ERCC6: variants seen among roughly 807,000 people sequenced by gnomAD.
ERCC6 encodes the protein ERCC excision repair 6, chromatin remodeling factor, also known as DNA excision repair protein ERCC-6.
ERCC6 carries 116 observed loss-of-function variants against 158.7 expected under a neutral mutation model. The observed-to-expected ratio is 0.73, with a 90% CI of 0.63 to 0.85. The LOEUF is 0.85. ERCC6 is among the 40% of genes least tolerant of loss of function. ERCC6 has a pLI of 0.00. For missense variants in ERCC6, 1,698 were observed against 1,799.4 expected (o/e 0.94, Z 1.02); for synonymous variants, 678 against 659.3 (o/e 1.03, Z -0.43).
chr10:49,493,325 C>G lies in ERCC6; in HGVS notation c.1686-73G>C, dbSNP rs544548574. The G allele has an allele frequency of 5.7e-6, 9 of 1,572,906 alleles. No homozygotes were observed. In the East Asian group the frequency reaches 2.0e-4, roughly 35 times the overall value. On this transcript the variant is annotated intron_variant, in intron 7 of 20. Transcript: ENST00000355832. Reference sequence around the variant, plus strand: ...AGTCATCAACTGCTCAAAAGATCCCCCAAAACAACAAACAAAAAACTTAGT... The same window carrying G: ...AGTCATCAACTGCTCAAAAGATCCCGCAAAACAACAAACAAAAAACTTAGT...
chr10:49,512,185 A>G (rs1836832958), intron 5 of ERCC6, among the ~76,000 whole-genome samples: 1 of 152,168 alleles, frequency 6.6e-6, no homozygotes, highest in African/African-American at 2.4e-5. Flanking sequence ...ATGCTAGCTC[A>G]CTCCATACTG....
At chr10:49,482,541 T>C (rs1850997581) in intron 10 of ERCC6, 146 bp downstream of exon 10, 1 of 437,496 alleles carries the variant, frequency 2.3e-6, no homozygotes, top group Admixed American at 4.3e-5. Flanking sequence ...ATTTTGTGAT[T>C]TTTTTTTTTT....
intron 5 of ERCC6, among the ~76,000 whole-genome samples, chr10:49,509,343 C>G (rs920834920): frequency 2.0e-5 from 3 of 152,188 alleles, no homozygotes; most frequent in African/African-American, 7.2e-5. Flanking sequence ...ACTATGTTCA[C>G]TGAAAGAAGA....
intron 10 of ERCC6, among the ~76,000 whole-genome samples, chr10:49,481,434 T>C (rs942283628): frequency 2.0e-5 from 3 of 152,220 alleles, no homozygotes; most frequent in Non-Finnish European, 4.4e-5. Context: ...ATGTAAAATA[T>C]ATTAAAATTG....
intron 10 of ERCC6, among the ~76,000 whole-genome samples, chr10:49,482,077 G>GC (rs1850990036): frequency 6.6e-6 from 1 of 152,144 alleles, no homozygotes; most frequent in African/African-American, 2.4e-5. Flanking sequence ...TTTTAGCTAT[G>GC]CCCCCACAAG....
intron 5 of ERCC6, among the ~76,000 whole-genome samples, chr10:49,523,070 C>T (rs1200632230): frequency 1.3e-5 from 2 of 152,220 alleles, no homozygotes; most frequent in African/African-American, 4.8e-5. Context: ...TCAACCTTCA[C>T]TCACAAAGGC....
chr10:49,464,132 TG>T (rs1343144937), intron 18 of ERCC6, among the ~76,000 whole-genome samples: 1 of 152,174 alleles, frequency 6.6e-6, no homozygotes, highest in African/African-American at 2.4e-5. Flanking sequence ...TTGACAAAAA[TG>T]TTGATAGTGA....
chr10:49,524,511 G>C lies in ERCC6; in HGVS notation c.919C>G (p.Pro307Ala), dbSNP rs1372271263. 1 of 1,614,134 alleles carries C rather than the reference G, an allele frequency of 6.2e-7. No individual in the cohort carries two copies. Among genetic ancestry groups the C allele is most frequent in the Non-Finnish European group, 8.5e-7 (1 of 1,179,996 alleles). The change falls in exon 5 of 21, where the codon CCA (proline) becomes GCA (alanine). Residue 307 changes from proline (P) to alanine (A), a missense_variant. Transcript: ENST00000355832. Reference sequence around the variant, plus strand: ...TTTGGTTTGTTTTTATTTTGCACTGGGGCTGGAGGCGTGACTGGGGCTGGA... The same window carrying C: ...TTTGGTTTGTTTTTATTTTGCACTGCGGCTGGAGGCGTGACTGGGGCTGGA... Reference protein sequence around the residue: ...KAPAPVTPPAPVQNKNKPNKK... With the variant: ...KAPAPVTPPAAVQNKNKPNKK...
chr10:49,445,179 C>G, the ERCC6 span, among the ~76,000 whole-genome samples: 10 of 152,114 alleles, frequency 6.6e-5, no homozygotes, highest in Admixed American at 1.3e-4. Flanking sequence ...AAGCTAGGAA[C>G]AGGAAAAGGG....
the ERCC6 span, among the ~76,000 whole-genome samples, chr10:49,435,276 T>C: frequency 1.3e-5 from 2 of 152,356 alleles, no homozygotes; most frequent in South Asian, 4.1e-4. Flanking sequence ...AAAGTTCACA[T>C]ACCTTCGTTC....
Position 49,524,719 on chromosome 10 carries a change from T to G in ERCC6, c.711A>C (p.Glu237Asp), listed in dbSNP as rs760414129. ...MLMPVQETAW[E>D]ELIRTGQMTP... ...TCATCTGGCCAGTGCGGATGAGCTC[T>G]TCCCAGGCAGTCTCCTGGACAGGCA... Residue 237 changes from glutamate (E) to aspartate (D), a missense_variant, in exon 5 of 21, where the codon GAA (glutamate) becomes GAC (aspartate). By Grantham distance (45) the Glu-to-Asp change is conservative (BLOSUM62 2). Transcript: ENST00000355832. 6.2e-7 allele frequency: 1 copy of G among 1,607,790 alleles called. No homozygotes were observed. The highest frequency in any genetic ancestry group is 8.5e-7 in the Non-Finnish European group (1 of 1,180,016).
At chr10:49,439,358 C>T in the ERCC6 span, among the ~76,000 whole-genome samples, 1 of 152,230 alleles carries the variant, frequency 6.6e-6, no homozygotes, top group Non-Finnish European at 1.5e-5. Flanking sequence ...GGGCTTGCAC[C>T]ATCTGAAGCC....
intron 12 of ERCC6, 73 bp downstream of exon 12, chr10:49,476,142 A>G (rs1850872688): frequency 3.8e-6 from 4 of 1,047,412 alleles, no homozygotes; most frequent in Non-Finnish European, 4.5e-6. Flanking sequence ...CACAATGTAG[A>G]TCCTAGTTTC....
intron 5 of ERCC6, among the ~76,000 whole-genome samples, chr10:49,508,423 G>C (rs1446023736): frequency 6.6e-6 from 1 of 151,944 alleles, no homozygotes; most frequent in Non-Finnish European, 1.5e-5. Context: ...AAATATACAG[G>C]CATCTTGTCG....
At chr10:49,484,386 G>A (rs1851040541) in intron 8 of ERCC6, among the ~76,000 whole-genome samples, 1 of 152,020 alleles carries the variant, frequency 6.6e-6, no homozygotes, top group Non-Finnish European at 1.5e-5. Context: ...GTGTCAGGCA[G>A]AGACACTAAG....
chr10:49,483,247 AG>A, intron 9 of ERCC6, 98 bp downstream of exon 9: 1 of 1,281,028 alleles, frequency 7.8e-7, no homozygotes, highest in Non-Finnish European at 1.1e-6. Flanking sequence ...AGTTGGCACA[AG>A]GAAAGATTCA....
chr10:49,457,615 A>G lies in ERCC6; in HGVS notation c.*1200T>C, dbSNP rs1259206245. On this transcript the variant is annotated 3_prime_UTR_variant, in exon 21 of 21. Transcript: ENST00000355832. Reference sequence around the variant, plus strand: ...GTAGGAGGGCAGGCATACTACAGAAAAATGAGAGAGAGGAAAAGAGCATGC... The same window carrying G: ...GTAGGAGGGCAGGCATACTACAGAAGAATGAGAGAGAGGAAAAGAGCATGC... The G allele has an allele frequency of 6.6e-6, 1 of 152,270 alleles. No individual in the cohort carries two copies. The highest frequency in any genetic ancestry group is 6.5e-5 in the Admixed American group (1 of 15,280). The allele number at this position is 152,270 out of a possible 1,614,324, so 9.4% of individuals were successfully genotyped here.
intron 12 of ERCC6, chr10:49,475,308 A>C (rs1463596357): frequency 2.7e-6 from 1 of 372,332 alleles, no homozygotes. Flanking sequence ...AATAAAATAT[A>C]TATCAAAATT....
chr10:49,472,504 A>G, intron 15 of ERCC6, 34 bp from the exon 16 acceptor site: 1 of 1,599,048 alleles, frequency 6.3e-7, no homozygotes. Flanking sequence ...CTCAACGAGA[A>G]TCCTTCCCAA....
Sources: allele counts gnomAD v4.1 joint callset (sites outside exome capture counted in the v4.1 genomes callset), GRCh38; gene constraint gnomAD v4.1.1; transcripts MANE v1.5; gene names NCBI Gene and HGNC (gene_info 2026-07-23, HGNC 2026-07-21).